Variants in WDR49 observed in about 807,000 individuals in gnomAD.
WDR49 encodes WD repeat domain 49.
Under a neutral mutation model 119.5 loss-of-function variants are expected in WDR49, and 107 were observed. That is an observed-to-expected ratio of 0.90 (90% confidence interval 0.77 to 1.05). WDR49 has a LOEUF of 1.05. WDR49 is among the 50% of genes least tolerant of loss of function. The pLI is 0.00. For missense variants in WDR49, 1,240 were observed against 1,220.5 expected (o/e 1.02, Z -0.24); for synonymous variants, 425 against 418.8 (o/e 1.01, Z -0.18).
intron 14 of WDR49, among the ~76,000 whole-genome samples, chr3:167,528,280 A>G (rs1752707878): frequency 6.6e-6 from 1 of 152,028 alleles, no homozygotes. Flanking sequence ...TAGTAAAGCC[A>G]ATTATTTGAT....
At chr3:167,608,135 C>T (rs1716152087) in intron 5 of WDR49, among the ~76,000 whole-genome samples, 1 of 152,152 alleles carries the variant, frequency 6.6e-6, no homozygotes, top group East Asian at 1.9e-4. Context: ...AGTATAAAAT[C>T]TGATGGCAAT....
intron 16 of WDR49, among the ~76,000 whole-genome samples, chr3:167,505,661 C>A (rs1751742703): frequency 6.6e-6 from 1 of 152,140 alleles, no homozygotes; most frequent in Non-Finnish European, 1.5e-5. Flanking sequence ...AAGCAAAGCC[C>A]TGTCCCCATA....
At chr3:167,595,549 C>T (rs1211256195) in intron 7 of WDR49, among the ~76,000 whole-genome samples, 1 of 152,186 alleles carries the variant, frequency 6.6e-6, no homozygotes, top group East Asian at 1.9e-4. Context: ...GAACAAAGCC[C>T]TCAGAAATAA....
intron 10 of WDR49, among the ~76,000 whole-genome samples, chr3:167,551,343 A>G (rs563418851): frequency 1.8e-4 from 28 of 152,086 alleles, no homozygotes; most frequent in East Asian, 9.7e-4. Flanking sequence ...AGGAAAGGGG[A>G]AAAAAAGAGA....
chr3:167,491,699 T>C (rs1428753910), intron 18 of WDR49, among the ~76,000 whole-genome samples: 1 of 152,160 alleles, frequency 6.6e-6, no homozygotes, highest in East Asian at 1.9e-4. Context: ...ACAATGTGAA[T>C]GGGTTCTGGG....
At chr3:167,496,026 C>T (rs1324567346) in intron 18 of WDR49, among the ~76,000 whole-genome samples, 1 of 151,816 alleles carries the variant, frequency 6.6e-6, no homozygotes, top group Non-Finnish European at 1.5e-5. Flanking sequence ...CACAAGCAGG[C>T]CCATATTTTA....
chr3:167,604,433 T>C lies in WDR49; in HGVS notation c.994A>G (p.Ser332Gly). 1 of 1,613,064 alleles carries C rather than the reference T, an allele frequency of 6.2e-7. No individual in the cohort carries two copies. Among genetic ancestry groups the C allele is most frequent in the Non-Finnish European group, 8.5e-7 (1 of 1,179,684 alleles). The change falls in exon 6 of 19, where the codon AGT becomes GGT. Residue 332 changes from serine to glycine, a missense_variant. Coordinates refer to ENST00000682715, the MANE Select transcript of WDR49 (RefSeq NM_001366157.1). ...YNASLDAIIS[S>G]TTSNTNSVVM... ...ACACTATTTGTATTGCTGGTTGTAC[T>C]GGAAATGATAGCGTCTAAAGATGCA...
chr3:167,545,524 T>TATATATATATATATATATATAC, intron 10 of WDR49, among the ~76,000 whole-genome samples: 1 of 143,292 alleles, frequency 7.0e-6, no homozygotes, highest in African/African-American at 2.5e-5. Context: ...TATATATATA[T>TATATATATATATATATATATAC]GCACCCTGGA....
chr3:167,618,520 T>C (rs1174656804), intron 5 of WDR49, among the ~76,000 whole-genome samples: 1 of 152,216 alleles, frequency 6.6e-6, no homozygotes, highest in Non-Finnish European at 1.5e-5. Flanking sequence ...TTGATTATAA[T>C]GAATTTTTTA....
At chr3:167,486,268 C>T (rs1454370371) in intron 18 of WDR49, among the ~76,000 whole-genome samples, 1 of 151,974 alleles carries the variant, frequency 6.6e-6, no homozygotes, top group Non-Finnish European at 1.5e-5. Context: ...AAATATAGAA[C>T]CAAAAGAGCA....
chr3:167,569,372 A>G (rs891908606), intron 8 of WDR49, among the ~76,000 whole-genome samples: 3 of 152,216 alleles, frequency 2.0e-5, no homozygotes, highest in Admixed American at 1.3e-4. Flanking sequence ...AGATTTGTGT[A>G]TATTTTATTG....
intron 10 of WDR49, among the ~76,000 whole-genome samples, chr3:167,553,500 T>G (rs1339118177): frequency 4.6e-5 from 7 of 152,136 alleles, no homozygotes; most frequent in African/African-American, 1.4e-4. Context: ...AAAAATAAAT[T>G]AAGGAAATGG....
At chr3:167,589,644 C>T (rs79427367) in intron 7 of WDR49, among the ~76,000 whole-genome samples, 1,876 of 152,036 alleles carry the variant, frequency 0.012, 33 homozygotes, top group African/African-American at 0.043. Context: ...TCATACAAAT[C>T]CTTCACTCTT....
intron 5 of WDR49, among the ~76,000 whole-genome samples, chr3:167,606,459 A>T (rs1716070089): frequency 6.6e-6 from 1 of 152,176 alleles, no homozygotes; most frequent in East Asian, 1.9e-4. Flanking sequence ...ATTGCTAATG[A>T]TGTACATCCT....
At chr3:167,513,354 CA>C (rs1167517137) in intron 16 of WDR49, among the ~76,000 whole-genome samples, 2 of 152,054 alleles carry the variant, frequency 1.3e-5, no homozygotes, top group African/African-American at 4.8e-5. Context: ...CATATCAAAC[CA>C]AACTAAGCTT....
chr3:167,505,433 CATGATGAAAT>C lies in WDR49; in HGVS notation c.2775-27_2775-18del. The C allele has an allele frequency of 6.6e-7, 1 of 1,509,442 alleles. No individual in the cohort carries two copies. The highest frequency in any genetic ancestry group is 2.5e-5 in the East Asian group (1 of 40,302). The allele number at this position is 1,509,442 out of a possible 1,614,324, so 93.5% of individuals were successfully genotyped here. ...GGTCTGACACTGGAAGAAAATATTT[CATGATGAAAT>C]ACATTATTAACCACAGGGATGGAGA... On this transcript the variant is annotated intron_variant, in intron 16 of 18. Transcript: ENST00000682715.
At chr3:167,508,426 A>G (rs1470471476) in intron 16 of WDR49, among the ~76,000 whole-genome samples, 2 of 152,150 alleles carry the variant, frequency 1.3e-5, no homozygotes, top group Admixed American at 6.5e-5. Context: ...TGAAATGGGG[A>G]TGACAATAGT....
intron 9 of WDR49, among the ~76,000 whole-genome samples, chr3:167,555,480 G>A (rs1008308650): frequency 2.6e-5 from 4 of 152,174 alleles, no homozygotes; most frequent in South Asian, 2.1e-4. Flanking sequence ...CAAGGAGAGG[G>A]TCACAAGAAT....
chr3:167,609,048 T>C (rs1716202299), intron 5 of WDR49, among the ~76,000 whole-genome samples: 1 of 152,070 alleles, frequency 6.6e-6, no homozygotes, highest in African/African-American at 2.4e-5. Context: ...ACCTAAAAAC[T>C]AAGTAAGTAA....
Sources: allele counts gnomAD v4.1 joint callset (sites outside exome capture counted in the v4.1 genomes callset), GRCh38; gene constraint gnomAD v4.1.1; transcripts MANE v1.5; gene names NCBI Gene and HGNC (gene_info 2026-07-23, HGNC 2026-07-21).